The following CUEDC1 variants were observed in gnomAD, a reference collection of about 807,000 sequenced individuals.
CUEDC1 encodes the protein CUE domain containing 1.
A neutral mutation model predicts 43.7 loss-of-function variants in CUEDC1; 30 were observed. That is an observed-to-expected ratio of 0.69 (90% CI 0.51 to 0.93). The LOEUF is 0.93. Among genes scored for constraint, CUEDC1 ranks in the 40% least tolerant of loss-of-function variants. The pLI is 0.00. For missense variants in CUEDC1, 486 were observed against 549.0 expected (o/e 0.89, Z 1.15); for synonymous variants, 223 against 223.6 (o/e 1.00, Z 0.02).
At chr17:57,887,682 T>C (rs1308095819) in intron 1 of CUEDC1, among the ~76,000 whole-genome samples, 1 of 104,060 alleles carries the variant, frequency 9.6e-6, no homozygotes, top group Non-Finnish European at 2.0e-5. Context: ...TTTTTGTATT[T>C]TTAATACAGA....
At chr17:57,895,527 G>T (rs2074399479) in intron 1 of CUEDC1, among the ~76,000 whole-genome samples, 1 of 152,218 alleles carries the variant, frequency 6.6e-6, no homozygotes, top group Non-Finnish European at 1.5e-5. Context: ...TACTGAAGTT[G>T]TCAAGTTGCC....
chr17:57,887,733 G>A (rs1209622578), intron 1 of CUEDC1, among the ~76,000 whole-genome samples: 1 of 131,590 alleles, frequency 7.6e-6, no homozygotes, highest in Non-Finnish European at 1.5e-5. Flanking sequence ...TCAAACTCCT[G>A]ACGTCAGGTG....
chr17:57,906,813 A>T (rs2074533962), intron 1 of CUEDC1, among the ~76,000 whole-genome samples: 1 of 152,028 alleles, frequency 6.6e-6, no homozygotes. Flanking sequence ...CTCTACTAAA[A>T]ATATAAAAAT....
chr17:57,903,730 GGAGC>G (rs2074498228), intron 1 of CUEDC1, among the ~76,000 whole-genome samples: 1 of 152,038 alleles, frequency 6.6e-6, no homozygotes, highest in African/African-American at 2.4e-5. Context: ...CTTGAGGCCA[GGAGC>G]TTGAGACCAG....
At chr17:57,889,593 A>G (rs1385076682) in intron 1 of CUEDC1, among the ~76,000 whole-genome samples, 1 of 152,204 alleles carries the variant, frequency 6.6e-6, no homozygotes, top group Admixed American at 6.5e-5. Flanking sequence ...CCTGAGACCC[A>G]AGTCTAGGAG....
chr17:57,867,168 G>A (rs1221942343), intron 9 of CUEDC1, 189 bp downstream of exon 9: 3 of 626,504 alleles, frequency 4.8e-6, no homozygotes, highest in African/African-American at 1.8e-5. Flanking sequence ...CCCTTTTCAG[G>A]GGTTGCAGAA....
intron 1 of CUEDC1, among the ~76,000 whole-genome samples, chr17:57,893,374 T>TGTGTGTGTGTGTGTGTGTGTG (rs397762963): frequency 1.1e-4 from 16 of 151,964 alleles, no homozygotes; most frequent in South Asian, 2.1e-4. Flanking sequence ...TGTGTGTGTG[T>TGTGTGTGTGTGTGTGTGTGTG]TTCAGGCAGC....
At chr17:57,867,262 G>T (rs2073972242) in intron 9 of CUEDC1, 95 bp downstream of exon 9, 1 of 1,168,460 alleles carries the variant, frequency 8.6e-7, no homozygotes, top group Non-Finnish European at 1.3e-6. Context: ...TCCTCCAGGG[G>T]ACAGGGCGGG....
chr17:57,883,094 A>G (rs892250980), intron 2 of CUEDC1, among the ~76,000 whole-genome samples: 2 of 152,156 alleles, frequency 1.3e-5, no homozygotes, highest in African/African-American at 4.8e-5. Flanking sequence ...AAGAGGATCC[A>G]TATTTTCCAA....
At chr17:57,943,977 T>G (rs1448568682) in intron 1 of CUEDC1, among the ~76,000 whole-genome samples, 1 of 152,158 alleles carries the variant, frequency 6.6e-6, no homozygotes, top group Non-Finnish European at 1.5e-5. Flanking sequence ...CTCAGCCTCC[T>G]GGCTTTGGAG....
chr17:57,941,482 G>A (rs2074916820), intron 1 of CUEDC1, among the ~76,000 whole-genome samples: 1 of 152,240 alleles, frequency 6.6e-6, no homozygotes, highest in African/African-American at 2.4e-5. Context: ...CTACCAAGCT[G>A]TGTGACCTAC....
At chr17:57,898,681 G>A (rs1241704107) in intron 1 of CUEDC1, among the ~76,000 whole-genome samples, 4 of 152,198 alleles carry the variant, frequency 2.6e-5, no homozygotes, top group African/African-American at 9.7e-5. Flanking sequence ...CCAAGGGGCT[G>A]ATTCTAGAGT....
Position 57,915,837 on chromosome 17 carries a change from C to G in CUEDC1, c.-315-29958G>C, listed in dbSNP as rs369856561. Among the ~76,000 whole-genome samples, 163 of 152,232 alleles carry G rather than the reference C, an allele frequency of 1.1e-3. 1 individual carries two copies. The highest frequency in any genetic ancestry group is 0.01 in the Middle Eastern group (3 of 294). ...AAGCTGGGCGGGGAGGAGGGGGCCT[C>G]AGGGGGCTGTTATGATAAGCAAGAG... On this transcript the variant is annotated intron_variant, in intron 1 of 10. Transcript: ENST00000577830.
chr17:57,917,490 T>C (rs1422023271), intron 1 of CUEDC1, among the ~76,000 whole-genome samples: 1 of 152,226 alleles, frequency 6.6e-6, no homozygotes, highest in Non-Finnish European at 1.5e-5. Context: ...TTCCTGACTA[T>C]AATTCTTACA....
At chr17:57,908,993 T>G (rs937629106) in intron 1 of CUEDC1, among the ~76,000 whole-genome samples, 1 of 150,762 alleles carries the variant, frequency 6.6e-6, no homozygotes, top group African/African-American at 2.4e-5. Context: ...CGAGACTGTC[T>G]CAAAAAAAAA....
intron 1 of CUEDC1, among the ~76,000 whole-genome samples, chr17:57,921,892 C>G (rs1339784267): frequency 6.6e-6 from 1 of 152,164 alleles, no homozygotes; most frequent in African/African-American, 2.4e-5. Context: ...ATGGGCGTAT[C>G]ACTTGAGGTT....
rs753916326 is a variant in CUEDC1 at position 57,915,140 on chromosome 17, C to T, written c.-315-29261G>A. On this transcript the variant is annotated intron_variant, in intron 1 of 10. Transcript: ENST00000577830. ...TCGAGTAAAGCATTCAGGATTCTTA[C>T]TCTTCATTTGCTATCTTTCTTAAAG... 15 of 152,038 alleles carry T rather than the reference C, an allele frequency of 9.9e-5. 1 individual carries two copies. The highest frequency in any genetic ancestry group is 7.9e-4 in the Admixed American group (12 of 15,266). The allele number at this position is 152,038 out of a possible 1,614,324, so 9.4% of individuals were successfully genotyped here.
intron 1 of CUEDC1, among the ~76,000 whole-genome samples, chr17:57,938,152 T>C (rs970451277): frequency 7.9e-5 from 12 of 152,280 alleles, no homozygotes; most frequent in African/African-American, 2.9e-4. Flanking sequence ...ACACAGCCAG[T>C]TGAGACAGTC....
chr17:57,879,706 C>T lies in CUEDC1; in HGVS notation c.369G>A (p.Ser123=), dbSNP rs200710057. Residue 123 remains serine (S), a synonymous_variant, in exon 3 of 11, where the codon TCG becomes TCA. Coordinates refer to ENST00000577830, the MANE Select transcript of CUEDC1 (RefSeq NM_001271875.2). ...ILERTLEPDS[S]DEEPPPVYSP... Reference sequence around the variant, plus strand: ...AGTACACAGGTGGGGGCTCTTCATCCGAGCTATCAGGTTCCAAAGTCCTTT... The same window carrying T: ...AGTACACAGGTGGGGGCTCTTCATCTGAGCTATCAGGTTCCAAAGTCCTTT... 1.1e-5 allele frequency: 17 copies of T among 1,599,578 alleles called. No individual in the cohort carries two copies. Among genetic ancestry groups the T allele is most frequent in the Middle Eastern group, 1.7e-4 (1 of 6,036 alleles).
Sources: gnomAD v4.1 joint callset for allele counts (sites outside exome capture counted in the v4.1 genomes callset) on GRCh38, gnomAD v4.1.1 for gene constraint, MANE v1.5 for transcripts, NCBI Gene and HGNC (gene_info 2026-07-23, HGNC 2026-07-21) for gene names.